Variants in GID8 observed in about 807,000 individuals in gnomAD.
GID8 encodes the protein glucose-induced degradation protein 8 homolog.
In GID8, 6 loss-of-function variants were observed where a neutral mutation model predicts 27.4. The observed-to-expected ratio is 0.22, with a 90% confidence interval of 0.12 to 0.43. GID8 has a LOEUF of 0.43. Ranked by LOEUF, GID8 falls within the 20% of genes least tolerant of loss-of-function variation. The pLI, the probability that GID8 is intolerant of heterozygous loss-of-function variation, is 1.00. For missense variants in GID8, 173 were observed against 287.6 expected (o/e 0.60, Z 2.88); for synonymous variants, 112 against 109.0 (o/e 1.03, Z -0.17).
chr20:62,945,416 A>C lies in GID8; in HGVS notation c.*504A>C, dbSNP rs918366394. ...TATAAATTTGTAAATCCTAATTCAAAGATGGCTCATGTGTGAGGGCATTGA... is the reference window on the plus strand; with the variant it reads ...TATAAATTTGTAAATCCTAATTCAACGATGGCTCATGTGTGAGGGCATTGA... On this transcript the variant is annotated 3_prime_UTR_variant, in exon 5 of 5. Transcript: ENST00000266069. The C allele has an allele frequency of 1.1e-5, 11 of 987,322 alleles. No individual in the cohort carries two copies. Among genetic ancestry groups the C allele is most frequent in the Non-Finnish European group, 1.2e-5 (10 of 830,300 alleles). The allele number at this position is 987,322 out of a possible 1,614,324, so 61.2% of individuals were successfully genotyped here.
At position 62,946,285 on chromosome 20, in the gene GID8, A is replaced by G; in HGVS notation, c.*1373A>G. 3.0e-6 allele frequency: 1 copy of G among 331,554 alleles called. No homozygotes were observed. Among genetic ancestry groups the G allele is most frequent in the Non-Finnish European group, 6.0e-6 (1 of 167,028 alleles). The allele number at this position is 331,554 out of a possible 1,614,324, so 20.5% of individuals were successfully genotyped here. A position where few individuals can be genotyped will look rare whatever the true frequency, so the allele number is the denominator to read the frequency against. On this transcript the variant is annotated 3_prime_UTR_variant, in exon 5 of 5. Transcript: ENST00000266069. ...CAAGTAGCAAGGCATCTCGACAAGC[A>G]TGGTCTAGGTCTGGTGGCCAGCTTG...
Position 62,946,113 on chromosome 20 carries a change from C to G in GID8, c.*1201C>G. ...GCGGACCACCGGGCACTGTTGACCC[C>G]ACTGAGCAGTGCTAAGTGTTGGTTT... On this transcript the variant is annotated 3_prime_UTR_variant, in exon 5 of 5. Coordinates refer to ENST00000266069, the MANE Select transcript of GID8 (RefSeq NM_017896.3). 1.0e-6 allele frequency: 1 copy of G among 956,880 alleles called. No homozygotes were observed. Among genetic ancestry groups the G allele is most frequent in the South Asian group, 1.4e-5 (1 of 70,044 alleles). 59.3% of individuals were successfully genotyped at this position (956,880 alleles called of 1,614,324 possible).
chr20:62,944,926 G>A lies in GID8; in HGVS notation c.*14G>A, dbSNP rs1463086734. The A allele has an allele frequency of 1.4e-5, 22 of 1,603,150 alleles. No individual in the cohort carries two copies. Among genetic ancestry groups the A allele is most frequent in the South Asian group, 3.3e-5 (3 of 89,768 alleles). ...GAGCCCAAGTAGCGCCTGCGCTTGC[G>A]TGGTGGATCCAACACCAGCCCTGCG... On this transcript the variant is annotated 3_prime_UTR_variant, in exon 5 of 5. Transcript: ENST00000266069.
chr20:62,945,176 C>T lies in GID8; in HGVS notation c.*264C>T. ...AGAATCTGGAAGGTTGCGGTTTGCT[C>T]TTCCAGTGTTCGGGGGCCTCTGGCT... On this transcript the variant is annotated 3_prime_UTR_variant, in exon 5 of 5. Transcript: ENST00000266069. 8.0e-7 allele frequency: 1 copy of T among 1,242,756 alleles called. No homozygotes were observed. Among genetic ancestry groups the T allele is most frequent in the Admixed American group, 3.7e-5 (1 of 26,756 alleles). The allele number at this position is 1,242,756 out of a possible 1,614,324, so 77.0% of individuals were successfully genotyped here.
At position 62,943,836 on chromosome 20, in the gene GID8, CTTTTT is replaced by C; in HGVS notation, c.513+156_513+160del. 44 of 509,972 alleles carry C rather than the reference CTTTTT, an allele frequency of 8.6e-5. No homozygotes were observed. The highest frequency in any genetic ancestry group is 5.2e-4 in the Middle Eastern group (1 of 1,920). 31.6% of individuals were successfully genotyped at this position (509,972 alleles called of 1,614,324 possible). On this transcript the variant is annotated intron_variant, in intron 4 of 4. Coordinates refer to ENST00000266069, the MANE Select transcript of GID8 (RefSeq NM_017896.3). This position sits in a 1 kb window ranked among gnomAD's most constrained non-coding sequence, Gnocchi z 4.7. ...GGGATGCTAAGTGGTTCCTTCATGG[CTTTTT>C]TTTTTTTTTTTGGAGGTGAAGTCTT... is the stretch of plus-strand genomic sequence containing the variant.
chr20:62,946,732 G>A lies in GID8; in HGVS notation c.*1820G>A, dbSNP rs756405475. The A allele has an allele frequency of 6.6e-6, 1 of 152,192 alleles. No individual in the cohort carries two copies. Among genetic ancestry groups the A allele is most frequent in the Non-Finnish European group, 1.5e-5 (1 of 68,066 alleles). 9.4% of individuals were successfully genotyped at this position (152,192 alleles called of 1,614,324 possible). ...GACCCTTGCGATTATTTCCTCTGAG[G>A]TTTGAGGATGAAGATAAGTTGGAGG... On this transcript the variant is annotated 3_prime_UTR_variant, in exon 5 of 5. Coordinates refer to ENST00000266069, the MANE Select transcript of GID8 (RefSeq NM_017896.3).
In GID8 at chr20:62,945,193, C is replaced by T. The variant is rs1423935500; in HGVS notation, c.*281C>T. On this transcript the variant is annotated 3_prime_UTR_variant, in exon 5 of 5. Coordinates refer to ENST00000266069, the MANE Select transcript of GID8 (RefSeq NM_017896.3). ...GGTTTGCTCTTCCAGTGTTCGGGGG[C>T]CTCTGGCTGCTGAAGGATTCGGTCT... 2 of 1,184,740 alleles carry T rather than the reference C, an allele frequency of 1.7e-6. No homozygotes were observed. Among genetic ancestry groups the T allele is most frequent in the Non-Finnish European group, 2.1e-6 (2 of 951,380 alleles). 73.4% of individuals were successfully genotyped at this position (1,184,740 alleles called of 1,614,324 possible).
Position 62,945,887 on chromosome 20 carries a change from C to A in GID8, c.*975C>A, listed in dbSNP as rs1336751655. On this transcript the variant is annotated 3_prime_UTR_variant, in exon 5 of 5. Transcript: ENST00000266069. ...TGTTCATCCTCAGTGATCTGCCCTC[C>A]AGCATCTCGGCAGCATCTCATCCTC... 1.6e-6 allele frequency: 2 copies of A among 1,289,506 alleles called. No individual in the cohort carries two copies. The allele number at this position is 1,289,506 out of a possible 1,614,324, so 79.9% of individuals were successfully genotyped here. A position where few individuals can be genotyped will look rare whatever the true frequency, so the allele number is the denominator to read the frequency against.
chr20:62,939,032 C>T (rs896939355), intron 1 of GID8, among the ~76,000 whole-genome samples: 26 of 151,946 alleles, frequency 1.7e-4, no homozygotes, highest in Non-Finnish European at 1.5e-5. Context: ...GTGGGAGGAT[C>T]GCTTGAGCCC....
chr20:62,940,043 AT>A (rs1178685159), intron 1 of GID8, among the ~76,000 whole-genome samples: 1 of 151,878 alleles, frequency 6.6e-6, no homozygotes, highest in Non-Finnish European at 1.5e-5. Flanking sequence ...TCATGCCCTT[AT>A]TTAAAAAAAA....
At chr20:62,941,262 T>C (rs2065442362) in intron 1 of GID8, among the ~76,000 whole-genome samples, 3 of 152,356 alleles carry the variant, frequency 2.0e-5, no homozygotes, top group South Asian at 4.1e-4. Flanking sequence ...GAGTACCAGA[T>C]TGTTTTTGTA....
At position 62,946,053 on chromosome 20, in the gene GID8, T is replaced by C. The variant is rs1309527993; in HGVS notation, c.*1141T>C. On this transcript the variant is annotated 3_prime_UTR_variant, in exon 5 of 5. Transcript: ENST00000266069. ...GACAGTTGATGGGCACATGGCCTTG[T>C]AGCTCTGGGCACAGATGTGTTTGGA... 3 of 1,280,482 alleles carry C rather than the reference T, an allele frequency of 2.3e-6. No homozygotes were observed. In the South Asian group the frequency reaches 3.7e-5, roughly 16 times the overall value. The allele number at this position is 1,280,482 out of a possible 1,614,324, so 79.3% of individuals were successfully genotyped here.
Position 62,946,131 on chromosome 20 carries a change from GTT to G in GID8, c.*1220_*1221del. 2.4e-6 allele frequency: 2 copies of G among 820,570 alleles called. No individual in the cohort carries two copies. The highest frequency in any genetic ancestry group is 3.4e-6 in the Non-Finnish European group (2 of 580,856). The allele number at this position is 820,570 out of a possible 1,614,324, so 50.8% of individuals were successfully genotyped here. A position where few individuals can be genotyped will look rare whatever the true frequency, so the allele number is the denominator to read the frequency against. On this transcript the variant is annotated 3_prime_UTR_variant, in exon 5 of 5. Coordinates refer to ENST00000266069, the MANE Select transcript of GID8 (RefSeq NM_017896.3). ...TTGACCCCACTGAGCAGTGCTAAGT[GTT>G]GGTTTAGTGGATGTTCGTGGAATTG...
intron 2 of GID8, 140 bp downstream of exon 2, chr20:62,941,760 G>A (rs1289396235): frequency 3.1e-6 from 2 of 639,084 alleles, no homozygotes; most frequent in African/African-American, 3.6e-5. Context: ...AACCTGGTAA[G>A]TTTGGAAGTT....
intron 4 of GID8, among the ~76,000 whole-genome samples, chr20:62,944,417 G>T (rs1375975648): frequency 1.3e-5 from 2 of 152,128 alleles, no homozygotes; most frequent in Non-Finnish European, 1.5e-5. Context: ...TGGAAGGATG[G>T]CCTGTCCTAG....
At chr20:62,941,000 G>A (rs1458520317) in intron 1 of GID8, among the ~76,000 whole-genome samples, 1 of 152,204 alleles carries the variant, frequency 6.6e-6, no homozygotes, top group Non-Finnish European at 1.5e-5. Flanking sequence ...GTACATTGAA[G>A]AATTCTGAAT....
At chr20:62,939,393 G>A (rs956706085) in intron 1 of GID8, among the ~76,000 whole-genome samples, 2 of 151,966 alleles carry the variant, frequency 1.3e-5, no homozygotes, top group Non-Finnish European at 2.9e-5. Flanking sequence ...TGAATTCTTG[G>A]CTTTAAATAT....
At chr20:62,941,426 G>GCGCTGCC in intron 1 of GID8, 65 bp from the exon 2 acceptor site, 1 of 866,586 alleles carries the variant, frequency 1.2e-6, no homozygotes, top group South Asian at 1.4e-5. Flanking sequence ...AGCTCTTCCA[G>GCGCTGCC]CGCTGCCCTC....
chr20:62,943,344 G>GT lies in GID8; in HGVS notation c.316-145dup, dbSNP rs2147631987. The GT allele has an allele frequency of 1.0e-6, 1 of 957,248 alleles. No homozygotes were observed. The highest frequency in any genetic ancestry group is 1.6e-6 in the Non-Finnish European group (1 of 638,044). The allele number at this position is 957,248 out of a possible 1,614,324, so 59.3% of individuals were successfully genotyped here. A position where few individuals can be genotyped will look rare whatever the true frequency, so the allele number is the denominator to read the frequency against. On this transcript the variant is annotated intron_variant, in intron 3 of 4. Transcript: ENST00000266069. This position sits in a 1 kb window ranked among gnomAD's most constrained non-coding sequence, Gnocchi z 4.7. ...TGCTCTTTTATGTAGTTCAGAAGCG[G>GT]TTTTTTGTTTTAAAAATGCAAATTT...
Sources: gnomAD v4.1 joint callset for allele counts (sites outside exome capture counted in the v4.1 genomes callset) on GRCh38, gnomAD v4.1.1 for gene constraint, Gnocchi (gnomAD v3.1) non-coding constraint, MANE v1.5 for transcripts, NCBI Gene and HGNC (gene_info 2026-07-23, HGNC 2026-07-21) for gene names.